PACS2: variants seen among roughly 807,000 people sequenced by gnomAD.
PACS2 encodes phosphofurin acidic cluster sorting protein 2, also known as PACS1-like protein.
A neutral mutation model predicts 113.0 loss-of-function variants in PACS2; 36 were observed. The observed-to-expected ratio is 0.32, with a 90% CI of 0.24 to 0.42. The LOEUF is 0.42. PACS2 is among the 10% of genes least tolerant of loss of function. The pLI, the probability that PACS2 is intolerant of heterozygous loss-of-function variation, is 1.00. For missense variants in PACS2, 1,015 were observed against 1,239.5 expected (o/e 0.82, Z 2.72); for synonymous variants, 589 against 536.1 (o/e 1.10, Z -1.36).
chr14:105,385,471 C>T lies in PACS2; in HGVS notation c.2001-214C>T, dbSNP rs1244129113. 3.9e-5 allele frequency among the ~76,000 whole-genome samples: 6 copies of T among 152,150 alleles called. No individual in the cohort carries two copies. In the South Asian group the frequency reaches 1.0e-3, roughly 26 times the overall value. Reference sequence around the variant, plus strand: ...GCGGAGACCTGTCTGTCCCGCCCGGCGCCTCCTCCCTGCACATCTGGCGCC... The same window carrying T: ...GCGGAGACCTGTCTGTCCCGCCCGGTGCCTCCTCCCTGCACATCTGGCGCC... On this transcript the variant is annotated intron_variant, in intron 18 of 24. Transcript: ENST00000447393.
intron 20 of PACS2, chr14:105,390,379 G>A (rs1393166549): frequency 3.2e-6 from 1 of 308,204 alleles, no homozygotes; most frequent in East Asian, 7.1e-5. Flanking sequence ...GAGCTTCCCA[G>A]TGCTCACTTG....
At chr14:105,383,598 CGTGTT>C in intron 16 of PACS2, 85 bp downstream of exon 16, 7 of 1,367,234 alleles carry the variant, frequency 5.1e-6, no homozygotes, top group Admixed American at 2.2e-5. Flanking sequence ...CGTGGCGTGG[CGTGTT>C]GTGTGGCGTG....
intron 1 of PACS2, among the ~76,000 whole-genome samples, chr14:105,338,186 T>C (rs1359845186): frequency 6.6e-6 from 1 of 152,218 alleles, no homozygotes; most frequent in African/African-American, 2.4e-5. Flanking sequence ...TTCCGCCTGC[T>C]GTGGGCTGCA....
chr14:105,351,613 G>A (rs1555403995), intron 2 of PACS2, among the ~76,000 whole-genome samples: 2 of 152,202 alleles, frequency 1.3e-5, no homozygotes, highest in Non-Finnish European at 2.9e-5. Context: ...CGAGGAGGGT[G>A]GATTGCTTGA....
At chr14:105,342,431 C>T (rs1403508897) in intron 1 of PACS2, among the ~76,000 whole-genome samples, 1 of 151,958 alleles carries the variant, frequency 6.6e-6, no homozygotes, top group Admixed American at 6.5e-5. Flanking sequence ...CCAAGCCCAG[C>T]TAATTTTTGT....
In PACS2 at chr14:105,354,560, C is replaced by G. The variant is rs1016603599; in HGVS notation, c.298-492C>G. On this transcript the variant is annotated intron_variant, in intron 3 of 24. Coordinates refer to ENST00000447393, the MANE Select transcript of PACS2 (RefSeq NM_001100913.3). This position sits in a 1 kb window ranked among gnomAD's most constrained non-coding sequence, Gnocchi z 4.2. ...AGAGATACCTGTGAACATCAGCTTGCTGGAGCCCTGCTGGACAGGGAGCCT... is the reference window on the plus strand; with the variant it reads ...AGAGATACCTGTGAACATCAGCTTGGTGGAGCCCTGCTGGACAGGGAGCCT... 4.6e-5 allele frequency among the ~76,000 whole-genome samples: 7 copies of G among 152,318 alleles called. No individual in the cohort carries two copies. Among genetic ancestry groups the G allele is most frequent in the African/African-American group, 1.7e-4 (7 of 41,568 alleles).
intron 19 of PACS2, among the ~76,000 whole-genome samples, chr14:105,386,030 G>A (rs1184614659): frequency 6.6e-6 from 1 of 152,220 alleles, no homozygotes; most frequent in Non-Finnish European, 1.5e-5. Context: ...CCTGAAGCCT[G>A]CAGGTCGGCC....
chr14:105,392,986 G>C (rs1460014058), intron 23 of PACS2, 141 bp downstream of exon 23: 8 of 714,898 alleles, frequency 1.1e-5, no homozygotes, highest in Non-Finnish European at 1.9e-5. Context: ...GTGGGGTGAG[G>C]GAGCCTGAAT....
rs782407443 is a variant in PACS2, at chr14:105,384,444, G to A, written c.1872G>A (p.Lys624=). The A allele has an allele frequency of 1.9e-6, 3 of 1,611,236 alleles. No homozygotes were observed. Among genetic ancestry groups the A allele is most frequent in the Non-Finnish European group, 2.5e-6 (3 of 1,179,122 alleles). ...QDLAWRDLFN[K]LEAQSAVQDT... is the part of the protein sequence containing the mutation. ...TGGCCTGGAGAGACCTGTTCAACAAGCTGGAGGCCCAGAGTGCGGGTGAGG... is the reference window on the plus strand; with the variant it reads ...TGGCCTGGAGAGACCTGTTCAACAAACTGGAGGCCCAGAGTGCGGGTGAGG... The change falls in exon 17 of 25, where the codon AAG becomes AAA. Residue 624 remains lysine, a synonymous_variant. Coordinates refer to ENST00000447393, the MANE Select transcript of PACS2 (RefSeq NM_001100913.3).
At chr14:105,332,636 CCCT>C (rs1566910549) in intron 1 of PACS2, among the ~76,000 whole-genome samples, 2 of 152,144 alleles carry the variant, frequency 1.3e-5, no homozygotes, top group Non-Finnish European at 2.9e-5. Flanking sequence ...AGTGGGAGCT[CCCT>C]CCTCGGGCAC....
At position 105,356,824 on chromosome 14, in the gene PACS2, C is replaced by T. The variant is rs587751724; in HGVS notation, c.423+1647C>T. 1.3e-5 allele frequency among the ~76,000 whole-genome samples: 2 copies of T among 150,776 alleles called. No individual in the cohort carries two copies. Among genetic ancestry groups the T allele is most frequent in the East Asian group, 3.9e-4 (2 of 5,154 alleles). On this transcript the variant is annotated intron_variant, in intron 4 of 24. Coordinates refer to ENST00000447393, the MANE Select transcript of PACS2 (RefSeq NM_001100913.3). The surrounding 1 kb of genome is among the most constrained non-coding windows in gnomAD (Gnocchi z 4.0). ...CTGTGTTTCCCATTAGCCATGCAGG[C>T]GATGTCCTGCTGATCCCTGCCGGTC...
rs144443814 is a variant in PACS2 at position 105,317,351 on chromosome 14, G to T, written c.119+2314G>T. Among the ~76,000 whole-genome samples, 1 of 152,128 alleles carries T rather than the reference G, an allele frequency of 6.6e-6. No homozygotes were observed. The highest frequency in any genetic ancestry group is 2.4e-5 in the African/African-American group (1 of 41,420). ...GCAGGGCCTGTCTTAAGCATGTACCGCCAGCTACCAGGATTTATGGTGGGG... is the reference window on the plus strand; with the variant it reads ...GCAGGGCCTGTCTTAAGCATGTACCTCCAGCTACCAGGATTTATGGTGGGG... On this transcript the variant is annotated intron_variant, in intron 1 of 24. Transcript: ENST00000447393. The surrounding 1 kb of genome is among the most constrained non-coding windows in gnomAD (Gnocchi z 4.2).
intron 1 of PACS2, chr14:105,301,097 T>G (rs1260417672): frequency 6.8e-6 from 1 of 146,914 alleles, no homozygotes; most frequent in African/African-American, 2.6e-5. Flanking sequence ...GAGCTAAGGG[T>G]GGGGCCTCGC....
In PACS2 at chr14:105,354,192, C is replaced by CCTGT; in HGVS notation, c.298-860_298-859insCTGT. On this transcript the variant is annotated intron_variant, in intron 3 of 24. Coordinates refer to ENST00000447393, the MANE Select transcript of PACS2 (RefSeq NM_001100913.3). This position sits in a 1 kb window ranked among gnomAD's most constrained non-coding sequence, Gnocchi z 4.2. ...ATAGGGGAAACTCAGAGTTCACAAGCAATCCCAGCTCTTCGGGAGGCTGAG... is the reference window on the plus strand; with the variant it reads ...ATAGGGGAAACTCAGAGTTCACAAGCCTGTAATCCCAGCTCTTCGGGAGGCTGAG... Among the ~76,000 whole-genome samples the CCTGT allele has an allele frequency of 2.0e-5, 3 of 152,018 alleles. No individual in the cohort carries two copies. The highest frequency in any genetic ancestry group is 7.3e-5 in the African/African-American group (3 of 41,374).
chr14:105,369,788 G>A (rs908209556), intron 7 of PACS2, 53 bp from the exon 8 acceptor site: 68 of 1,449,098 alleles, frequency 4.7e-5, no homozygotes, highest in Admixed American at 1.6e-4. Context: ...GGGCTCCAGC[G>A]GCGGGTCTGC....
At chr14:105,332,334 T>TG (rs2140913236) in intron 1 of PACS2, among the ~76,000 whole-genome samples, 1 of 152,316 alleles carries the variant, frequency 6.6e-6, no homozygotes, top group Admixed American at 6.5e-5. Context: ...GAAATGTTGC[T>TG]GGCTAGTCCC....
At chr14:105,385,649 CGT>C in intron 18 of PACS2, 34 bp from the exon 19 acceptor site, 1 of 1,492,254 alleles carries the variant, frequency 6.7e-7, no homozygotes. Flanking sequence ...GGCGTCGTAA[CGT>C]GTCTGTTTTC....
Position 105,367,318 on chromosome 14 carries a change from C to A in PACS2, c.529C>A (p.Gln177Lys), listed in dbSNP as rs1555408186. ...AEIWIASLSSQPIDHEDSTMQ... is the reference protein window; with the variant it reads ...AEIWIASLSSKPIDHEDSTMQ... ...GATCTGGATCGCCTCCCTGTCCAGCCAGCCCATTGACCACGAAGACAGCAC... is the reference window on the plus strand; with the variant it reads ...GATCTGGATCGCCTCCCTGTCCAGCAAGCCCATTGACCACGAAGACAGCAC... The change falls in exon 5 of 25, where the codon CAG becomes AAG. Residue 177 changes from glutamine to lysine, a missense_variant. By Grantham distance (53) the Gln-to-Lys change is moderately conservative (BLOSUM62 1). Transcript: ENST00000447393. The A allele has an allele frequency of 1.2e-6, 2 of 1,613,434 alleles. No individual in the cohort carries two copies. The highest frequency in any genetic ancestry group is 1.7e-6 in the Non-Finnish European group (2 of 1,180,008).
chr14:105,338,175 CT>C (rs1555400938), intron 1 of PACS2, among the ~76,000 whole-genome samples: 1 of 152,220 alleles, frequency 6.6e-6, no homozygotes, highest in East Asian at 1.9e-4. Flanking sequence ...CCAGCCTCCC[CT>C]TCCGCCTGCT....
Sources: gnomAD v4.1 joint callset for allele counts (sites outside exome capture counted in the v4.1 genomes callset) on GRCh38, gnomAD v4.1.1 for gene constraint, Gnocchi (gnomAD v3.1) non-coding constraint, MANE v1.5 for transcripts, NCBI Gene and HGNC (gene_info 2026-07-23, HGNC 2026-07-21) for gene names.